RNF17: variants seen among roughly 807,000 people sequenced by gnomAD.
RNF17 encodes the protein spermatogenesis associated 23.
In RNF17, 31 loss-of-function variants were observed where a neutral mutation model predicts 200.5. The observed-to-expected ratio is 0.15, with a 90% confidence interval of 0.12 to 0.21. RNF17 has a LOEUF of 0.21. Ranked by LOEUF, RNF17 falls within the 10% of genes least tolerant of loss-of-function variation. RNF17 has a pLI of 1.00. For missense variants in RNF17, 1,628 were observed against 1,905.1 expected (o/e 0.85, Z 2.71); for synonymous variants, 606 against 637.8 (o/e 0.95, Z 0.75).
intron 6 of RNF17, among the ~76,000 whole-genome samples, chr13:24,786,651 A>G (rs1883145067): frequency 6.6e-6 from 1 of 152,198 alleles, no homozygotes; most frequent in African/African-American, 2.4e-5. Flanking sequence ...TTCACTTTTG[A>G]AGAATACTTT....
intron 18 of RNF17, among the ~76,000 whole-genome samples, chr13:24,836,313 C>G (rs1163317837): frequency 6.6e-6 from 1 of 152,158 alleles, no homozygotes; most frequent in Non-Finnish European, 1.5e-5. Context: ...GGAAAACTCC[C>G]CAGGCCTTGC....
intron 18 of RNF17, among the ~76,000 whole-genome samples, chr13:24,837,431 G>A (rs564384288): frequency 6.6e-6 from 1 of 152,168 alleles, no homozygotes; most frequent in African/African-American, 2.4e-5. Context: ...CTATTCAACA[G>A]CGTATGGAAA....
chr13:24,772,688 G>A lies in RNF17; in HGVS notation c.226-2125G>A, dbSNP rs573793079. 8.8e-4 allele frequency among the ~76,000 whole-genome samples: 133 copies of A among 151,310 alleles called. 2 individuals carry two copies. Among genetic ancestry groups the A allele is most frequent in the African/African-American group, 2.7e-3 (110 of 41,182 alleles). On this transcript the variant is annotated intron_variant, in intron 2 of 35. Transcript: ENST00000255324. The stretch of plus-strand genomic sequence containing the variant: ...TGCAGTGGCGCCATCTCAGCTCACT[G>A]CAAGCTCCTCCTCCCAGGTTCACGC...
intron 10 of RNF17, among the ~76,000 whole-genome samples, chr13:24,795,003 G>C (rs752512285): frequency 8.5e-5 from 13 of 152,308 alleles, no homozygotes; most frequent in Non-Finnish European, 1.6e-4. Context: ...ATAGGCGTGA[G>C]CCATCGTGCG....
At chr13:24,820,592 C>T (rs9511463) in intron 15 of RNF17, among the ~76,000 whole-genome samples, 34,986 of 151,614 alleles carry the variant, frequency 0.23, 4,505 homozygotes, top group Non-Finnish European at 0.29. Context: ...CCCACCACCA[C>T]GCCCGGCTAA....
rs371982260 is a variant in RNF17 at position 24,787,739 on chromosome 13, T to A, written c.612-249T>A. On this transcript the variant is annotated intron_variant, in intron 6 of 35. Transcript: ENST00000255324. Reference sequence around the variant, plus strand: ...TCCACAAAATTTGCTTTTCTCTAATTATGTATACATAGCTTTTAACTATAA... The same window carrying A: ...TCCACAAAATTTGCTTTTCTCTAATAATGTATACATAGCTTTTAACTATAA... Among the ~76,000 whole-genome samples, 167 of 152,320 alleles carry A rather than the reference T, an allele frequency of 1.1e-3. 7 individuals are homozygous for A. In the South Asian group the frequency reaches 0.033, roughly 30 times the overall value.
intron 30 of RNF17, among the ~76,000 whole-genome samples, chr13:24,867,061 A>G (rs1282796106): frequency 6.6e-6 from 1 of 152,194 alleles, no homozygotes; most frequent in Non-Finnish European, 1.5e-5. Flanking sequence ...ATATATATAT[A>G]TATTTTGAGA....
chr13:24,822,872 TTAC>T (rs1411198565), intron 15 of RNF17, among the ~76,000 whole-genome samples: 1 of 152,236 alleles, frequency 6.6e-6, no homozygotes, highest in African/African-American at 2.4e-5. Context: ...CTTTTCAGGA[TTAC>T]TGCTTACTTC....
At chr13:24,868,219 C>T (rs1265682317) in intron 30 of RNF17, among the ~76,000 whole-genome samples, 1 of 151,886 alleles carries the variant, frequency 6.6e-6, no homozygotes, top group Non-Finnish European at 1.5e-5. Context: ...GCCTCTAATC[C>T]CAGCACTTTG....
intron 6 of RNF17, among the ~76,000 whole-genome samples, 199 bp downstream of exon 6, chr13:24,782,143 A>T (rs1226113281): frequency 6.6e-6 from 1 of 152,148 alleles, no homozygotes; most frequent in Non-Finnish European, 1.5e-5. Flanking sequence ...GTAAGCTTTT[A>T]AAAATTTTGC....
Position 24,789,415 on chromosome 13 carries a change from A to G in RNF17, c.851A>G (p.Asn284Ser). 1.9e-6 allele frequency: 3 copies of G among 1,597,366 alleles called. No homozygotes were observed. The highest frequency in any genetic ancestry group is 2.6e-6 in the Non-Finnish European group (3 of 1,166,422). Residue 284 changes from asparagine (N) to serine (S), a missense_variant, in exon 8 of 36, where the codon AAC becomes AGC. Physicochemically the swap from Asn to Ser is conservative, Grantham distance 46. Coordinates refer to ENST00000255324, the MANE Select transcript of RNF17 (RefSeq NM_031277.3). The part of the protein sequence containing the change: ...LAQVSSPQLR[N>S]PPRLSVNCSE... Reference sequence around the variant, plus strand: ...CAAGTTAGTTCTCCACAACTAAGGAACCCTCCCAGGTAAGTAAGTCATAGT... The same window carrying G: ...CAAGTTAGTTCTCCACAACTAAGGAGCCCTCCCAGGTAAGTAAGTCATAGT...
chr13:24,785,045 A>G (rs938387260), intron 6 of RNF17, among the ~76,000 whole-genome samples: 28 of 151,980 alleles, frequency 1.8e-4, no homozygotes, highest in Middle Eastern at 3.2e-3. Flanking sequence ...GTTTAATTCT[A>G]ATCTTGAAGT....
chr13:24,888,504 C>T, the RNF17 span, among the ~76,000 whole-genome samples: 792 of 152,248 alleles, frequency 5.2e-3, 8 homozygotes, highest in African/African-American at 0.018. Flanking sequence ...CACCATTTTA[C>T]ATCAACTGGC....
intron 2 of RNF17, among the ~76,000 whole-genome samples, chr13:24,768,218 A>G (rs1880042042): frequency 6.6e-6 from 1 of 152,226 alleles, no homozygotes; most frequent in South Asian, 2.1e-4. Context: ...CTATTCATTT[A>G]ATACAAATAT....
At chr13:24,826,211 C>T (rs536330753) in intron 16 of RNF17, 83 of 413,778 alleles carry the variant, frequency 2.0e-4, no homozygotes, top group African/African-American at 1.7e-3. Flanking sequence ...TATATTTTTT[C>T]TACTTTTTCT....
chr13:24,789,245 T>G, intron 7 of RNF17, 103 bp from the exon 8 acceptor site: 1 of 766,100 alleles, frequency 1.3e-6, no homozygotes, highest in Non-Finnish European at 2.2e-6. Flanking sequence ...AATGCAATAA[T>G]TAATGAAATA....
chr13:24,859,187 A>G (rs1266319326), intron 26 of RNF17, 23 bp downstream of exon 26: 2 of 1,547,540 alleles, frequency 1.3e-6, no homozygotes, highest in Non-Finnish European at 1.8e-6. Flanking sequence ...TTCTTTTGTG[A>G]CAATTCTAAA....
rs1453487250 is a variant in RNF17, at chr13:24,786,704, C to T, written c.612-1284C>T. On this transcript the variant is annotated intron_variant, in intron 6 of 35. Transcript: ENST00000255324. ...TGGTGCTGTAAATATACATTGTCTT[C>T]GGGCCTCCAAGGTTTCTGCTGAGAA... Among the ~76,000 whole-genome samples, 4 of 152,168 alleles carry T rather than the reference C, an allele frequency of 2.6e-5. No homozygotes were observed. The East Asian group carries it at 7.7e-4, about 29-fold the overall frequency.
chr13:24,759,238 CT>C (rs1878479198), upstream of RNF17, among the ~76,000 whole-genome samples: 1 of 152,114 alleles, frequency 6.6e-6, no homozygotes, highest in African/African-American at 2.4e-5. Context: ...AAGACTGTAA[CT>C]TCTGAGTGAA....
Sources: allele counts gnomAD v4.1 joint callset (sites outside exome capture counted in the v4.1 genomes callset), GRCh38; gene constraint gnomAD v4.1.1; transcripts MANE v1.5; gene names NCBI Gene and HGNC (gene_info 2026-07-23, HGNC 2026-07-21).